The following BAHCC1 variants were observed in gnomAD, a reference collection of about 807,000 sequenced individuals.
The protein encoded by BAHCC1 is BAH and coiled-coil domain-containing protein 1.
BAHCC1 carries 43 observed loss-of-function variants against 88.2 expected under a neutral mutation model. The ratio of observed to expected loss-of-function variants is 0.49; its 90% CI spans 0.38 to 0.63. The LOEUF (loss-of-function observed/expected upper bound fraction) is 0.63, where lower values mean the gene tolerates loss of function less well. Ranked by LOEUF, BAHCC1 falls within the 20% of genes least tolerant of loss-of-function variation. BAHCC1 has a pLI of 0.00. For synonymous variants in BAHCC1, 1,510 were observed against 745.5 expected (o/e 2.03, Z -16.71); for missense variants, 3,023 against 1,654.8 (o/e 1.83, Z -14.34).
chr17:81,418,966 G>A (rs1055530561), intron 2 of BAHCC1, among the ~76,000 whole-genome samples: 5 of 151,392 alleles, frequency 3.3e-5, no homozygotes, highest in African/African-American at 1.2e-4. Context: ...CTCTGTGCAA[G>A]TGTGAGTGTG....
At chr17:81,414,694 G>C (rs973343922) in intron 2 of BAHCC1, among the ~76,000 whole-genome samples, 1 of 152,218 alleles carries the variant, frequency 6.6e-6, no homozygotes, top group Non-Finnish European at 1.5e-5. Context: ...GGGAGGGCCT[G>C]GTGTGGCCGT....
At chr17:81,450,150 G>C (rs568906556) in intron 11 of BAHCC1, among the ~76,000 whole-genome samples, 1 of 152,298 alleles carries the variant, frequency 6.6e-6, no homozygotes, top group East Asian at 1.9e-4. Flanking sequence ...GTTGCTCCTG[G>C]GCTTTCCCAG....
At chr17:81,440,431 C>G (rs1555652334) in intron 4 of BAHCC1, among the ~76,000 whole-genome samples, 1 of 152,254 alleles carries the variant, frequency 6.6e-6, no homozygotes, top group Non-Finnish European at 1.5e-5. Context: ...CGCTCCCCTT[C>G]CCCCTTGTTT....
intron 2 of BAHCC1, among the ~76,000 whole-genome samples, chr17:81,409,703 C>T (rs1347421179): frequency 1.3e-5 from 2 of 152,170 alleles, no homozygotes; most frequent in East Asian, 1.9e-4. Context: ...AGAGGGAAAT[C>T]GGGCCCAGGG....
At chr17:81,463,041 G>T (rs550942077) in intron 27 of BAHCC1, 65 bp downstream of exon 27, 6 of 728,128 alleles carry the variant, frequency 8.2e-6, no homozygotes, top group African/African-American at 1.7e-5. Flanking sequence ...CACGACAGCA[G>T]CCAGCACTGT....
In BAHCC1 at chr17:81,459,476, C is replaced by G; in HGVS notation, c.5797-20C>G. 1 of 778,460 alleles carries G rather than the reference C, an allele frequency of 1.3e-6. No individual in the cohort carries two copies. The highest frequency in any genetic ancestry group is 1.3e-5 in the South Asian group (1 of 74,542). 48.2% of individuals were successfully genotyped at this position (778,460 alleles called of 1,614,324 possible). ...GGCCAGGCCCCACCTGCTCATGGGTCGTCGCCCGCGTTCCTGCAGGTTCTC... is the reference window on the plus strand; with the variant it reads ...GGCCAGGCCCCACCTGCTCATGGGTGGTCGCCCGCGTTCCTGCAGGTTCTC... On this transcript the variant is annotated intron_variant, in intron 22 of 27. Coordinates refer to ENST00000675386, the MANE Select transcript of BAHCC1 (RefSeq NM_001377448.1).
intron 2 of BAHCC1, among the ~76,000 whole-genome samples, chr17:81,424,774 G>T (rs1025727221): frequency 6.6e-5 from 10 of 151,824 alleles, no homozygotes; most frequent in Non-Finnish European, 1.0e-4. Flanking sequence ...GATGTGGTTG[G>T]TGGTGGTGGG....
rs1555655974 is a variant in BAHCC1 at position 81,452,031 on chromosome 17, C to A, written c.4240C>A (p.Arg1414=). Residue 1414 remains arginine (R), a synonymous_variant, in exon 13 of 28, where the codon CGG becomes AGG. Coordinates refer to ENST00000675386, the MANE Select transcript of BAHCC1 (RefSeq NM_001377448.1). ...LDTQEVGMRV[R]LAELQRRYKE... ...CACGCAGGAGGTGGGGATGCGCGTG[C>A]GGCTGGCGGAGCTGCAGCGGCGCTA... The A allele has an allele frequency of 1.6e-6, 1 of 627,778 alleles. No individual in the cohort carries two copies. The highest frequency in any genetic ancestry group is 2.8e-5 in the Admixed American group (1 of 36,014). 38.9% of individuals were successfully genotyped at this position (627,778 alleles called of 1,614,324 possible).
intron 2 of BAHCC1, among the ~76,000 whole-genome samples, chr17:81,416,568 TGC>T (rs2064033579): frequency 3.4e-4 from 6 of 17,790 alleles, no homozygotes; most frequent in East Asian, 6.7e-3. Context: ...TGGGTGTATG[TGC>T]GTGTGTGTGT....
intron 3 of BAHCC1, among the ~76,000 whole-genome samples, chr17:81,428,359 C>G (rs1306401005): frequency 6.6e-6 from 1 of 152,154 alleles, no homozygotes; most frequent in African/African-American, 2.4e-5. Flanking sequence ...GGTGGCCTGG[C>G]ACCGGGGGAG....
In BAHCC1 at chr17:81,442,364, G is replaced by A. The variant is rs1006844904; in HGVS notation, c.1015G>A (p.Glu339Lys). 27 of 701,526 alleles carry A rather than the reference G, an allele frequency of 3.8e-5. No individual in the cohort carries two copies. In the African/African-American group the frequency reaches 4.6e-4, roughly 12 times the overall value. The allele number at this position is 701,526 out of a possible 1,614,324, so 43.5% of individuals were successfully genotyped here. ...CGGGCCGGCCTTCAGCGAGTGCCTGGAGCGGCGGCAGATGCTACACCACAC... is the reference window on the plus strand; with the variant it reads ...CGGGCCGGCCTTCAGCGAGTGCCTGAAGCGGCGGCAGATGCTACACCACAC... ...EPGPAFSECL[E>K]RRQMLHHTAS... is the part of the protein sequence containing the mutation. Residue 339 changes from glutamate to lysine, a missense_variant, in exon 5 of 28, where the codon GAG becomes AAG. Physicochemically the swap from Glu to Lys is moderately conservative, Grantham distance 56. Coordinates refer to ENST00000675386, the MANE Select transcript of BAHCC1 (RefSeq NM_001377448.1).
In BAHCC1 at chr17:81,459,263, G is replaced by A. The variant is rs542777220; in HGVS notation, c.5731G>A (p.Val1911Ile). The A allele has an allele frequency of 1.4e-4, 112 of 779,376 alleles. 1 individual carries two copies. The Admixed American group carries it at 1.8e-3, about 12-fold the overall frequency. 48.3% of individuals were successfully genotyped at this position (779,376 alleles called of 1,614,324 possible). A position where few individuals can be genotyped will look rare whatever the true frequency, so the allele number is the denominator to read the frequency against. Residue 1911 changes from valine (V) to isoleucine (I), a missense_variant, in exon 22 of 28, where the codon GTC becomes ATC. Coordinates refer to ENST00000675386, the MANE Select transcript of BAHCC1 (RefSeq NM_001377448.1). ...TLQPPDIYSI[V>I]IEGERGNRQR... Reference sequence around the variant, plus strand: ...CCCCAATGCCCCCAGCTATAGCATCGTCATCGAGGGCGAGAGGGGCAACCG... The same window carrying A: ...CCCCAATGCCCCCAGCTATAGCATCATCATCGAGGGCGAGAGGGGCAACCG...
chr17:81,441,050 TCACTGCCTGCCCCGCGTCCCCCGAAAATC>T lies in BAHCC1; in HGVS notation c.482-750_482-722del, dbSNP rs1321044351. ...ACCCAGCAGAGATGCTCTGTAACAC[TCACTGCCTGCCCCGCGTCCCCCGAAAATC>T]CACTGCCTGCCCCGCGTCCCCCGAA... On this transcript the variant is annotated intron_variant, in intron 4 of 27. Transcript: ENST00000675386. Among the ~76,000 whole-genome samples, 163 of 152,110 alleles carry T rather than the reference TCACTGCCTGCCCCGCGTCCCCCGAAAATC, an allele frequency of 1.1e-3. No homozygotes were observed. In the Middle Eastern group the frequency reaches 0.024, roughly 22 times the overall value.
At chr17:81,428,400 G>A (rs989739988) in intron 3 of BAHCC1, among the ~76,000 whole-genome samples, 86 of 152,310 alleles carry the variant, frequency 5.6e-4, no homozygotes, top group African/African-American at 1.9e-3. Flanking sequence ...CAGCCGTGGT[G>A]AACCCCCCAC....
rs535077220 is a variant in BAHCC1 at position 81,440,352 on chromosome 17, C to T, written c.482-1479C>T. 2.6e-4 allele frequency among the ~76,000 whole-genome samples: 40 copies of T among 152,350 alleles called. 1 individual carries two copies. Among genetic ancestry groups the T allele is most frequent in the Admixed American group, 1.3e-3 (20 of 15,310 alleles). On this transcript the variant is annotated intron_variant, in intron 4 of 27. Transcript: ENST00000675386. ...CGGCTTTCACAATATTTTGGTGGAG[C>T]TGTGTCCAAGAACAGTATTTGGTTT...
chr17:81,420,864 C>T (rs782700978), intron 2 of BAHCC1, among the ~76,000 whole-genome samples: 10 of 152,238 alleles, frequency 6.6e-5, no homozygotes, highest in South Asian at 4.1e-4. Context: ...CCTGGCAGAG[C>T]GGCCCCAGGC....
At chr17:81,438,658 G>T (rs75996683) in intron 4 of BAHCC1, among the ~76,000 whole-genome samples, 166 bp downstream of exon 4, 17,483 of 152,152 alleles carry the variant, frequency 0.11, 1,373 homozygotes, top group Non-Finnish European at 0.17. Flanking sequence ...TGCCCCTCAG[G>T]ATTTAAACCC....
At chr17:81,459,202 C>A (rs2030021701) in intron 21 of BAHCC1, 34 bp downstream of exon 21, 1 of 770,900 alleles carries the variant, frequency 1.3e-6, no homozygotes, top group African/African-American at 1.7e-5. Flanking sequence ...AGGGCAGGGG[C>A]CTGGAGGGCA....
chr17:81,400,347 G>A (rs1185721375), intron 2 of BAHCC1, among the ~76,000 whole-genome samples: 1 of 152,166 alleles, frequency 6.6e-6, no homozygotes, highest in Non-Finnish European at 1.5e-5. Context: ...ACCAGGGTAC[G>A]CCGCGGCCTC....
Sources: gnomAD v4.1 joint callset for allele counts (sites outside exome capture counted in the v4.1 genomes callset) on GRCh38, gnomAD v4.1.1 for gene constraint, MANE v1.5 for transcripts, NCBI Gene and HGNC (gene_info 2026-07-23, HGNC 2026-07-21) for gene names.